Variants in OCRL observed in about 807,000 individuals in gnomAD.
OCRL encodes OCRL inositol polyphosphate-5-phosphatase.
Under a neutral mutation model 78.9 loss-of-function variants are expected in OCRL, and 8 were observed. That is an observed-to-expected ratio of 0.10 (90% CI 0.06 to 0.18). OCRL has a LOEUF of 0.18. OCRL is among the 10% of genes least tolerant of loss of function. The pLI, the probability that OCRL is intolerant of heterozygous loss-of-function variation, is 1.00. For missense variants in OCRL, 454 were observed against 696.7 expected (o/e 0.65, Z 3.92); for synonymous variants, 240 against 235.4 (o/e 1.02, Z -0.18).
intron 15 of OCRL, 137 bp from the exon 16 acceptor site, chrX:129,575,003 A>T: frequency 2.0e-6 from 1 of 499,161 alleles, no homozygotes. Flanking sequence ...AGATATAGAG[A>T]GTGTTTGAGG....
In OCRL at chrX:129,568,072, C is replaced by A. The variant is rs866375700; in HGVS notation, c.1466+709C>A. Among the ~76,000 whole-genome samples the A allele has an allele frequency of 2.7e-5, 3 of 110,197 alleles. No individual in the cohort carries two copies. The South Asian group carries it at 1.2e-3, about 43-fold the overall frequency. The stretch of plus-strand genomic sequence containing the variant: ...GGGACTACAGGCGCCCGCCACCACG[C>A]CCGGCTAATTTTTTGTATTTTTTTT... On this transcript the variant is annotated intron_variant, in intron 14 of 23. Coordinates refer to ENST00000371113, the MANE Select transcript of OCRL (RefSeq NM_000276.4).
intron 20 of OCRL, among the ~76,000 whole-genome samples, chrX:129,587,438 CTA>C (rs1936527951): frequency 9.0e-6 from 1 of 111,445 alleles, no homozygotes; most frequent in South Asian, 3.8e-4. Context: ...CCTACTTTGG[CTA>C]TGAGTCATGT....
At position 129,590,676 on chromosome X, in the gene OCRL, T is replaced by G. The variant is rs1485507426; in HGVS notation, c.*406T>G. 9.8e-6 allele frequency: 2 copies of G among 204,208 alleles called. No homozygotes were observed. The highest frequency in any genetic ancestry group is 3.0e-5 in the African/African-American group (1 of 33,329). 16.8% of individuals were successfully genotyped at this position (204,208 alleles called of 1,213,427 possible). On this transcript the variant is annotated 3_prime_UTR_variant, in exon 24 of 24. Transcript: ENST00000371113. ...TGTAGCTGAGACTTGTCTAGAGTCCTTTGTTTTGCACTTTTGACCCACCCC... is the reference window on the plus strand; with the variant it reads ...TGTAGCTGAGACTTGTCTAGAGTCCGTTGTTTTGCACTTTTGACCCACCCC...
At chrX:129,570,008 G>A (rs1187902959) in intron 15 of OCRL, among the ~76,000 whole-genome samples, 2 of 109,563 alleles carry the variant, frequency 1.8e-5, no homozygotes, top group Non-Finnish European at 3.8e-5. Flanking sequence ...CGTGCCCAGC[G>A]AATTTTTTTT....
intron 19 of OCRL, 111 bp downstream of exon 19, chrX:129,584,478 G>A (rs933512041): frequency 1.1e-5 from 8 of 714,858 alleles, no homozygotes; most frequent in Non-Finnish European, 1.8e-5. Context: ...CTCTGACTTG[G>A]TGAGACTCCC....
intron 2 of OCRL, among the ~76,000 whole-genome samples, chrX:129,541,728 C>T (rs867428393): frequency 1.8e-5 from 2 of 112,205 alleles, no homozygotes; most frequent in African/African-American, 6.5e-5. Context: ...CTTGCCATCT[C>T]CCAACATTGG....
intron 15 of OCRL, among the ~76,000 whole-genome samples, chrX:129,570,038 G>C (rs755017563): frequency 2.4e-4 from 26 of 109,880 alleles, no homozygotes; most frequent in African/African-American, 8.3e-4. Context: ...TCTATCCTGG[G>C]CTGCATTAAT....
At chrX:129,562,832 G>A in intron 12 of OCRL, 46 bp downstream of exon 12, 1 of 1,097,208 alleles carries the variant, frequency 9.1e-7, no homozygotes, top group Non-Finnish European at 1.3e-6. Context: ...GGCTACAGGA[G>A]TTTGGATAGT....
chrX:129,581,455 T>G (rs1412085915), intron 18 of OCRL, among the ~76,000 whole-genome samples: 2 of 111,075 alleles, frequency 1.8e-5, no homozygotes, highest in African/African-American at 6.5e-5. Context: ...GAGTAAGCTG[T>G]TTACTAATAA....
chrX:129,540,656 G>GC (rs1463437993), intron 1 of OCRL, 88 bp from the exon 2 acceptor site: 53 of 769,344 alleles, frequency 6.9e-5, no homozygotes, highest in South Asian at 3.8e-4. Flanking sequence ...GGCGGCGGTG[G>GC]GGGGGGGGTG....
intron 4 of OCRL, among the ~76,000 whole-genome samples, chrX:129,550,693 T>C (rs1000518093): frequency 2.7e-5 from 3 of 111,867 alleles, no homozygotes; most frequent in Non-Finnish European, 5.6e-5. Context: ...AGTTGCTTCA[T>C]TGAAATTTAT....
chrX:129,563,347 T>C (rs1028513955), intron 12 of OCRL, among the ~76,000 whole-genome samples: 131 of 112,554 alleles, frequency 1.2e-3, no homozygotes, highest in African/African-American at 3.9e-3. Flanking sequence ...ATTTCTAAAA[T>C]ATTGATCACA....
intron 15 of OCRL, among the ~76,000 whole-genome samples, chrX:129,573,243 T>A (rs772495290): frequency 1.2e-4 from 12 of 100,986 alleles, no homozygotes; most frequent in Admixed American, 3.0e-4. Flanking sequence ...CACTTCAAGT[T>A]GTGGGATACA....
intron 15 of OCRL, among the ~76,000 whole-genome samples, chrX:129,572,462 C>T (rs73567410): frequency 0.032 from 3,555 of 112,770 alleles, 145 homozygotes; most frequent in African/African-American, 0.11. Context: ...CATGATAACC[C>T]GCTGAGAAAA....
intron 12 of OCRL, among the ~76,000 whole-genome samples, chrX:129,564,291 A>G (rs1386365743): frequency 9.1e-6 from 1 of 109,433 alleles, no homozygotes; most frequent in East Asian, 2.9e-4. Flanking sequence ...AACTAGTTCA[A>G]CCCTTGTGGA....
chrX:129,585,293 G>T (rs1162486816), intron 19 of OCRL, among the ~76,000 whole-genome samples: 2 of 112,254 alleles, frequency 1.8e-5, no homozygotes, highest in Non-Finnish European at 3.8e-5. Flanking sequence ...AAACCACCAA[G>T]GTTTGAGACA....
chrX:129,573,703 C>T (rs886139383), intron 15 of OCRL, among the ~76,000 whole-genome samples: 8 of 111,101 alleles, frequency 7.2e-5, no homozygotes, highest in African/African-American at 2.6e-4. Flanking sequence ...TACAGGCACC[C>T]ACCACCATGC....
In OCRL at chrX:129,544,891, G is replaced by A. The variant is rs3131281; in HGVS notation, c.120-67G>A. 16,512 of 636,343 alleles carry A rather than the reference G, an allele frequency of 0.026. 930 individuals are homozygous for A. The highest frequency in any genetic ancestry group is 0.22 in the African/African-American group (10,092 of 46,115). 52.4% of individuals were successfully genotyped at this position (636,343 alleles called of 1,213,427 possible). On this transcript the variant is annotated intron_variant, in intron 2 of 23. Transcript: ENST00000371113. ...CAGACTAGATTTGTATAACAGGACA[G>A]TGAAGTATTTTTTTGCTAAATGAGT...
chrX:129,557,999 A>G, intron 6 of OCRL, 49 bp downstream of exon 6: 1 of 832,795 alleles, frequency 1.2e-6, no homozygotes, highest in East Asian at 3.1e-5. Flanking sequence ...TTGCAGAGTC[A>G]GTAGATTTTG....
Sources: gnomAD v4.1 joint callset for allele counts (sites outside exome capture counted in the v4.1 genomes callset) on GRCh38, gnomAD v4.1.1 for gene constraint, MANE v1.5 for transcripts, NCBI Gene and HGNC (gene_info 2026-07-23, HGNC 2026-07-21) for gene names.